UBE2V2: variants seen among roughly 807,000 people sequenced by gnomAD.
UBE2V2 encodes the protein ubiquitin conjugating enzyme E2 V2.
A neutral mutation model predicts 17.2 loss-of-function variants in UBE2V2; 9 were observed. The ratio of observed to expected loss-of-function variants is 0.52; its 90% confidence interval spans 0.32 to 0.91. The LOEUF (loss-of-function observed/expected upper bound fraction) is 0.91, where lower values mean the gene tolerates loss of function less well. UBE2V2 is among the 40% of genes least tolerant of loss of function. The pLI is 0.04. For synonymous variants in UBE2V2, 61 were observed against 57.5 expected (o/e 1.06, Z -0.28); for missense variants, 133 against 182.6 (o/e 0.73, Z 1.56).
intron 1 of UBE2V2, among the ~76,000 whole-genome samples, chr8:48,023,298 C>T (rs1172883343): frequency 1.3e-5 from 2 of 151,836 alleles, no homozygotes; most frequent in East Asian, 3.9e-4. Context: ...TCACTGCGAC[C>T]TCCGCCTCCT....
At chr8:48,000,774 A>C in the UBE2V2 span, among the ~76,000 whole-genome samples, 2 of 145,454 alleles carry the variant, frequency 1.4e-5, no homozygotes, top group East Asian at 4.2e-4. Flanking sequence ...GTGAGTGGAG[A>C]TCACGTCACT....
chr8:48,021,337 C>T lies in UBE2V2; in HGVS notation c.16+12867C>T, dbSNP rs1404043524. Among the ~76,000 whole-genome samples, 23 of 138,116 alleles carry T rather than the reference C, an allele frequency of 1.7e-4. No individual in the cohort carries two copies. The East Asian group carries it at 3.2e-3, about 19-fold the overall frequency. 90.6% of individuals were successfully genotyped at this position (138,116 alleles called of 152,430 possible). On this transcript the variant is annotated intron_variant, in intron 1 of 3. Coordinates refer to ENST00000523111, the MANE Select transcript of UBE2V2 (RefSeq NM_003350.3). ...TTTTTTTTTTTTTGAGACGGAGTCT[C>T]GCTCTGTCGCCCACGCTGGAGTGCA...
At chr8:48,034,517 T>G (rs563494678) in intron 1 of UBE2V2, among the ~76,000 whole-genome samples, 1 of 151,932 alleles carries the variant, frequency 6.6e-6, no homozygotes, top group East Asian at 1.9e-4. Context: ...TACATGAGAG[T>G]TTTTTTTAGA....
intron 1 of UBE2V2, among the ~76,000 whole-genome samples, chr8:48,020,904 A>ATTT (rs746968265): frequency 2.1e-5 from 3 of 141,818 alleles, no homozygotes. Flanking sequence ...TGCCCAGCTA[A>ATTT]TTTTTTTTTT....
intron 1 of UBE2V2, among the ~76,000 whole-genome samples, chr8:48,033,957 TA>T (rs932549795): frequency 9.2e-5 from 14 of 151,662 alleles, no homozygotes; most frequent in African/African-American, 3.4e-4. Context: ...ACCCTGTTGC[TA>T]AAAAAAAGAA....
At chr8:48,055,221 C>T (rs1371717483) in intron 3 of UBE2V2, among the ~76,000 whole-genome samples, 11 of 138,646 alleles carry the variant, frequency 7.9e-5, no homozygotes, top group East Asian at 6.3e-4. Context: ...TTTTTTGAGA[C>T]GGAGTTTCGC....
chr8:48,037,853 C>T lies in UBE2V2; in HGVS notation c.17-5180C>T, dbSNP rs936744565. 2.6e-5 allele frequency among the ~76,000 whole-genome samples: 4 copies of T among 152,334 alleles called. No individual in the cohort carries two copies. The South Asian group carries it at 8.3e-4, about 32-fold the overall frequency. ...CCTGTTTCTTGGTCTTTTATAACAG[C>T]TGATACTTTTCTCCTCCTCTTACCT... On this transcript the variant is annotated intron_variant, in intron 1 of 3. Coordinates refer to ENST00000523111, the MANE Select transcript of UBE2V2 (RefSeq NM_003350.3).
At chr8:48,003,381 AAGC>A in the UBE2V2 span, among the ~76,000 whole-genome samples, 1 of 152,162 alleles carries the variant, frequency 6.6e-6, no homozygotes. Context: ...GGAGAAGAGT[AAGC>A]TTTAGACCAA....
At chr8:48,043,226 A>G in intron 2 of UBE2V2, 45 bp downstream of exon 2, 1 of 1,325,830 alleles carries the variant, frequency 7.5e-7, no homozygotes, top group South Asian at 2.3e-5. Flanking sequence ...CTTATTGTTA[A>G]AGTTAGCATT....
chr8:48,022,248 C>T (rs1369011919), intron 1 of UBE2V2, among the ~76,000 whole-genome samples: 1 of 151,840 alleles, frequency 6.6e-6, no homozygotes, highest in Non-Finnish European at 1.5e-5. Flanking sequence ...TGTGATTCTC[C>T]TGCCTCAGCC....
intron 3 of UBE2V2, among the ~76,000 whole-genome samples, chr8:48,058,105 G>A (rs779671440): frequency 1.2e-4 from 18 of 152,176 alleles, no homozygotes; most frequent in Non-Finnish European, 7.3e-5. Context: ...AGGCCGAGGT[G>A]TGCAGATCCC....
At chr8:48,006,974 G>A (rs542024316), upstream of UBE2V2, among the ~76,000 whole-genome samples, 508 of 151,968 alleles carry the variant, frequency 3.3e-3, 2 homozygotes, top group African/African-American at 0.011. Context: ...TCCAACTCCC[G>A]GGTTCACGCC....
intron 3 of UBE2V2, among the ~76,000 whole-genome samples, chr8:48,060,154 G>A (rs1395487607): frequency 7.0e-6 from 1 of 143,666 alleles, no homozygotes; most frequent in Non-Finnish European, 1.5e-5. Flanking sequence ...AAGTTGCAGT[G>A]AGCCAGGATC....
At chr8:48,024,936 A>ATT (rs199796045) in intron 1 of UBE2V2, among the ~76,000 whole-genome samples, 1 of 139,028 alleles carries the variant, frequency 7.2e-6, no homozygotes, top group African/African-American at 2.6e-5. Flanking sequence ...TCCCTTACTG[A>ATT]TTTTTTTTTT....
chr8:48,031,890 C>T (rs1476138849), intron 1 of UBE2V2, among the ~76,000 whole-genome samples: 3 of 152,166 alleles, frequency 2.0e-5, no homozygotes, highest in Admixed American at 6.6e-5. Flanking sequence ...TCATGATCCA[C>T]CCGCCTTGGC....
chr8:48,037,741 A>G (rs762452490), intron 1 of UBE2V2, among the ~76,000 whole-genome samples: 10 of 152,238 alleles, frequency 6.6e-5, no homozygotes, highest in Non-Finnish European at 1.2e-4. Context: ...ATGGAAATAA[A>G]TAAATAAAAC....
At position 48,062,978 on chromosome 8, in the gene UBE2V2, G is replaced by A. The variant is rs976906835; in HGVS notation, c.*2150G>A. On this transcript the variant is annotated 3_prime_UTR_variant, in exon 4 of 4. Coordinates refer to ENST00000523111, the MANE Select transcript of UBE2V2 (RefSeq NM_003350.3). ...AAACTGTAGTCTAATGGTAACTGAT[G>A]ATCTGAATCCGTCTCTCTGATAACC... 2 of 152,192 alleles carry A rather than the reference G, an allele frequency of 1.3e-5. No homozygotes were observed. The highest frequency in any genetic ancestry group is 2.9e-5 in the Non-Finnish European group (2 of 68,034). 9.4% of individuals were successfully genotyped at this position (152,192 alleles called of 1,614,324 possible).
At chr8:48,036,429 A>T (rs2154507514) in intron 1 of UBE2V2, among the ~76,000 whole-genome samples, 1 of 151,150 alleles carries the variant, frequency 6.6e-6, no homozygotes, top group Non-Finnish European at 1.5e-5. Context: ...ATGATTCTTG[A>T]CTCAAAAAAA....
intron 1 of UBE2V2, among the ~76,000 whole-genome samples, chr8:48,029,995 C>G (rs2091372293): frequency 6.6e-6 from 1 of 152,168 alleles, no homozygotes; most frequent in African/African-American, 2.4e-5. Context: ...AATATATTAG[C>G]TTACTTAACT....
Sources: allele counts gnomAD v4.1 joint callset (sites outside exome capture counted in the v4.1 genomes callset), GRCh38; gene constraint gnomAD v4.1.1; transcripts MANE v1.5; gene names NCBI Gene and HGNC (gene_info 2026-07-23, HGNC 2026-07-21).